Variants in BOP1 observed in about 807,000 individuals in gnomAD.
BOP1 encodes the protein ribosome biogenesis protein BOP1.
BOP1 carries 54 observed loss-of-function variants against 82.9 expected under a neutral mutation model. The ratio of observed to expected loss-of-function variants is 0.65; its 90% CI spans 0.52 to 0.82. The LOEUF is 0.82. BOP1 is among the 40% of genes least tolerant of loss of function. BOP1 has a pLI of 0.00. For synonymous variants in BOP1, 566 were observed against 451.1 expected (o/e 1.25, Z -3.23); for missense variants, 1,170 against 1,072.0 (o/e 1.09, Z -1.28).
At chr8:144,284,644 G>A (rs560814815) in intron 2 of BOP1, among the ~76,000 whole-genome samples, 1 of 152,320 alleles carries the variant, frequency 6.6e-6, no homozygotes, top group South Asian at 2.1e-4. Flanking sequence ...TTGCCTGGAT[G>A]CAGCAACAGG....
At chr8:144,279,991 A>G (rs1261721024) in intron 2 of BOP1, among the ~76,000 whole-genome samples, 2 of 152,218 alleles carry the variant, frequency 1.3e-5, no homozygotes, top group Non-Finnish European at 2.9e-5. Flanking sequence ...AATGTACCAG[A>G]ACCCTCTGGG....
At position 144,262,991 on chromosome 8, in the gene BOP1, C is replaced by T. The variant is rs1050327574; in HGVS notation, c.1756G>A (p.Ala586Thr). ...AGGAAGGGCCGGGCAGGGTGGAAGG[C>T]CACTCGCTGCACCTGTCCGTGGCTG... ...RRSHGQVQRV[A>T]FHPARPFLLV... The change falls in exon 13 of 16, where the codon GCC (alanine) becomes ACC (threonine). Residue 586 changes from alanine (A) to threonine (T), a missense_variant. Ala to Thr is a moderately conservative substitution (Grantham distance 58). Coordinates refer to ENST00000569669, the MANE Select transcript of BOP1 (RefSeq NM_015201.5). 3.9e-6 allele frequency: 6 copies of T among 1,553,894 alleles called. No individual in the cohort carries two copies. The highest frequency in any genetic ancestry group is 4.4e-4 in the Middle Eastern group (2 of 4,596).
chr8:144,262,812 C>T (rs1332531160), intron 13 of BOP1, 41 bp downstream of exon 13: 2 of 702,820 alleles, frequency 2.8e-6, no homozygotes, highest in Non-Finnish European at 4.3e-6. Context: ...CGCCCCCCCC[C>T]CCACCCCTCA....
rs782116294 is a variant in BOP1, at chr8:144,289,276, C to G, written c.128G>C (p.Ser43Thr). The G allele has an allele frequency of 6.2e-7, 1 of 1,614,064 alleles. No individual in the cohort carries two copies. The highest frequency in any genetic ancestry group is 1.1e-5 in the South Asian group (1 of 91,080). Reference protein sequence around the residue: ...EPPLLCTSPLSHSTGSDSGVS... With the variant: ...EPPLLCTSPLTHSTGSDSGVS... The stretch of plus-strand genomic sequence containing the variant: ...GCCAGAATCGCTGCCGGTGCTGTGG[C>G]TGAGAGGAGAGGTGCAGAGGAGGGG... The change falls in exon 2 of 16, where the codon AGC becomes ACC. Residue 43 changes from serine (S) to threonine (T), a missense_variant. Transcript: ENST00000569669.
At chr8:144,279,556 A>G (rs1405693532) in intron 2 of BOP1, among the ~76,000 whole-genome samples, 2 of 152,178 alleles carry the variant, frequency 1.3e-5, no homozygotes, top group Non-Finnish European at 2.9e-5. Flanking sequence ...TGGCAGTGGA[A>G]TGAGGTTCTG....
chr8:144,274,073 G>A (rs1845534470), intron 3 of BOP1, among the ~76,000 whole-genome samples: 1 of 152,148 alleles, frequency 6.6e-6, no homozygotes, highest in Admixed American at 6.5e-5. Context: ...GGAGGTAGGT[G>A]GGCAGGGGGT....
At position 144,264,636 on chromosome 8, in the gene BOP1, C is replaced by T. The variant is rs1321817255; in HGVS notation, c.664-20G>A. ...AGCCGGCTGGGGGAGAAGATGTGGG[C>T]GTGTGGGCCAGAGTGGCTGAGGCCC... On this transcript the variant is annotated intron_variant, in intron 5 of 15. Coordinates refer to ENST00000569669, the MANE Select transcript of BOP1 (RefSeq NM_015201.5). 38 of 1,579,230 alleles carry T rather than the reference C, an allele frequency of 2.4e-5. No individual in the cohort carries two copies. Among genetic ancestry groups the T allele is most frequent in the South Asian group, 1.0e-4 (9 of 87,696 alleles).
At chr8:144,273,161 C>CGCGGGG (rs1215834766) in intron 3 of BOP1, among the ~76,000 whole-genome samples, 8 of 152,270 alleles carry the variant, frequency 5.3e-5, no homozygotes, top group African/African-American at 1.2e-4. Context: ...GGGGCCAGGA[C>CGCGGGG]GCGGGGGCGG....
chr8:144,269,538 G>C (rs1304794607), intron 3 of BOP1, among the ~76,000 whole-genome samples: 18 of 152,246 alleles, frequency 1.2e-4, no homozygotes, highest in African/African-American at 4.3e-4. Context: ...AATTCTCAAA[G>C]CCAGAGCCAT....
At position 144,263,476 on chromosome 8, in the gene BOP1, ACACGGCTGCAGCCAC is replaced by A; in HGVS notation, c.1411_1424+1del. On this transcript the variant is annotated splice_donor_variant and coding_sequence_variant, in exon 11 of 16. Coordinates refer to ENST00000569669, the MANE Select transcript of BOP1 (RefSeq NM_015201.5). LOFTEE classifies it high-confidence loss of function. ...TCCCCAGCCCCCAGGGCCTCCACTT[ACACGGCTGCAGCCAC>A]CAGGCAGACAGCGGGGCTGGGGTTC... 6.3e-7 allele frequency: 1 copy of A among 1,598,076 alleles called. No individual in the cohort carries two copies. Among genetic ancestry groups the A allele is most frequent in the Non-Finnish European group, 8.5e-7 (1 of 1,179,630 alleles).
In BOP1 at chr8:144,291,243, GC is replaced by G. The variant is rs1554840167; in HGVS notation, c.99+28del. 1 of 1,438,186 alleles carries G rather than the reference GC, an allele frequency of 7.0e-7. No homozygotes were observed. The allele number at this position is 1,438,186 out of a possible 1,614,324, so 89.1% of individuals were successfully genotyped here. ...TGCCCGCCGGGCCCTCTAGGGACGC[GC>G]CCCGCCGCCCCGCATCGCCACAGTC... is the stretch of plus-strand genomic sequence containing the variant. On this transcript the variant is annotated intron_variant, in intron 1 of 15. Transcript: ENST00000569669. This position sits in a 1 kb window ranked among gnomAD's most constrained non-coding sequence, Gnocchi z 4.1.
At position 144,262,592 on chromosome 8, in the gene BOP1, G is replaced by T. The variant is rs2130186554; in HGVS notation, c.1975C>A (p.Leu659Met). 2.5e-6 allele frequency: 4 copies of T among 1,613,454 alleles called. No individual in the cohort carries two copies. Among genetic ancestry groups the T allele is most frequent in the Non-Finnish European group, 3.4e-6 (4 of 1,179,812 alleles). ...LDLSTKPYRMLRHHKKALRAV... is the reference protein window; with the variant it reads ...LDLSTKPYRMMRHHKKALRAV... ...TCCACCCCCAGCTTTCCTCACCTCAGCATCCTGTATGGCTTGGTGGAAAGA... is the reference window on the plus strand; with the variant it reads ...TCCACCCCCAGCTTTCCTCACCTCATCATCCTGTATGGCTTGGTGGAAAGA... Residue 659 changes from leucine to methionine, a missense_variant, in exon 14 of 16, where the codon CTG becomes ATG. Coordinates refer to ENST00000569669, the MANE Select transcript of BOP1 (RefSeq NM_015201.5).
chr8:144,266,645 C>G, intron 3 of BOP1: 4 of 1,246,006 alleles, frequency 3.2e-6, no homozygotes, highest in Non-Finnish European at 4.1e-6. Flanking sequence ...CCGGCGCCGC[C>G]GGGCCGCTAC....
At position 144,291,098 on chromosome 8, in the gene BOP1, C is replaced by T. The variant is rs1475154692; in HGVS notation, c.99+174G>A. Among the ~76,000 whole-genome samples the T allele has an allele frequency of 1.3e-5, 2 of 152,048 alleles. No homozygotes were observed. The highest frequency in any genetic ancestry group is 4.8e-5 in the African/African-American group (2 of 41,416). On this transcript the variant is annotated intron_variant, in intron 1 of 15. Transcript: ENST00000569669. The surrounding 1 kb of genome is among the most constrained non-coding windows in gnomAD (Gnocchi z 4.1). ...GCTTCCCGGACGCCGTCCTTTACCC[C>T]GCAGTCCGCTCTGCCTGAGACCCCC...
Position 144,262,060 on chromosome 8 carries a change from T to C in BOP1, c.*104A>G. ...GGCTCGGCGCTGTGGTGGGGGCGGCTTTGTTGGCAACCCCAATTCAAGAAG... is the reference window on the plus strand; with the variant it reads ...GGCTCGGCGCTGTGGTGGGGGCGGCCTTGTTGGCAACCCCAATTCAAGAAG... On this transcript the variant is annotated 3_prime_UTR_variant, in exon 16 of 16. Coordinates refer to ENST00000569669, the MANE Select transcript of BOP1 (RefSeq NM_015201.5). 6.5e-7 allele frequency: 1 copy of C among 1,548,794 alleles called. No individual in the cohort carries two copies. The highest frequency in any genetic ancestry group is 8.8e-7 in the Non-Finnish European group (1 of 1,136,230).
intron 2 of BOP1, among the ~76,000 whole-genome samples, chr8:144,281,256 C>A (rs1242068425): frequency 0.67 from 1,128 of 1,694 alleles, 551 homozygotes; most frequent in Middle Eastern, 1. Flanking sequence ...ACCAGGTCTT[C>A]GGCCTTCCCT....
At position 144,264,147 on chromosome 8, in the gene BOP1, G is replaced by A. The variant is rs1845303164; in HGVS notation, c.979-5C>T. On this transcript the variant is annotated splice_region_variant and splice_polypyrimidine_tract_variant and intron_variant, in intron 7 of 15. Coordinates refer to ENST00000569669, the MANE Select transcript of BOP1 (RefSeq NM_015201.5). Reference sequence around the variant, plus strand: ...CTGCTGTTCCCACGCCAAGCGCTGTGGAGACCAAGACACAGGGGTGGGGAG... The same window carrying A: ...CTGCTGTTCCCACGCCAAGCGCTGTAGAGACCAAGACACAGGGGTGGGGAG... 6.2e-6 allele frequency: 10 copies of A among 1,610,662 alleles called. No homozygotes were observed. In the Admixed American group the frequency reaches 1.5e-4, roughly 24 times the overall value.
At chr8:144,266,307 C>A (rs1845361124) in intron 3 of BOP1, among the ~76,000 whole-genome samples, 1 of 152,058 alleles carries the variant, frequency 6.6e-6, no homozygotes. Context: ...CAGCCCCGCC[C>A]CCCCCACCCC....
intron 3 of BOP1, among the ~76,000 whole-genome samples, chr8:144,268,708 A>G (rs1224446568): frequency 6.6e-6 from 1 of 152,078 alleles, no homozygotes; most frequent in African/African-American, 2.4e-5. Context: ...GGGTGGGGAC[A>G]AGGGAGCCAC....
Sources: allele counts gnomAD v4.1 joint callset (sites outside exome capture counted in the v4.1 genomes callset), GRCh38; gene constraint gnomAD v4.1.1; non-coding constraint Gnocchi (gnomAD v3.1); transcripts MANE v1.5; gene names NCBI Gene and HGNC (gene_info 2026-07-23, HGNC 2026-07-21).